Variants in CLCC1 observed in about 807,000 individuals in gnomAD.
The protein encoded by CLCC1 is chloride channel CLIC like 1, also known as chloride channel CLIC-like protein 1.
Under a neutral mutation model 63.3 loss-of-function variants are expected in CLCC1, and 39 were observed. That is an observed-to-expected ratio of 0.62 (90% confidence interval 0.48 to 0.81). The LOEUF is 0.81. Ranked by LOEUF, CLCC1 falls within the 30% of genes least tolerant of loss-of-function variation. The pLI is 0.00. For missense variants in CLCC1, 549 were observed against 669.4 expected (o/e 0.82, Z 1.98); for synonymous variants, 217 against 239.8 (o/e 0.90, Z 0.88).
chr1:108,946,453 G>A (rs761005517), intron 5 of CLCC1, among the ~76,000 whole-genome samples: 16 of 152,140 alleles, frequency 1.1e-4, no homozygotes, highest in African/African-American at 2.9e-4. Context: ...GTATGAGAAC[G>A]CATCTGCTTC....
intron 10 of CLCC1, 126 bp downstream of exon 10, chr1:108,939,510 T>C (rs902387185): frequency 4.9e-4 from 338 of 688,286 alleles, no homozygotes; most frequent in Admixed American, 9.1e-4. Context: ...AGGGTTTCAC[T>C]GTGTTAGCCA....
chr1:108,959,343 G>T (rs968040640), intron 2 of CLCC1, among the ~76,000 whole-genome samples: 13 of 149,862 alleles, frequency 8.7e-5, no homozygotes, highest in African/African-American at 3.0e-4. Context: ...GACAAAGTGA[G>T]AATCCAACTC....
intron 7 of CLCC1, among the ~76,000 whole-genome samples, chr1:108,941,817 C>G (rs777542869): frequency 6.6e-6 from 1 of 152,008 alleles, no homozygotes; most frequent in Non-Finnish European, 1.5e-5. Flanking sequence ...CCACGCCCAG[C>G]TAATTTTTGT....
At chr1:108,955,720 CA>C (rs1655799169) in intron 2 of CLCC1, among the ~76,000 whole-genome samples, 1 of 151,128 alleles carries the variant, frequency 6.6e-6, no homozygotes, top group Non-Finnish European at 1.5e-5. Flanking sequence ...GACCCTAATA[CA>C]ACAAAAAAGA....
chr1:108,939,576 T>C (rs1213814515), intron 10 of CLCC1, 60 bp downstream of exon 10: 5 of 1,515,640 alleles, frequency 3.3e-6, no homozygotes, highest in Non-Finnish European at 4.5e-6. Flanking sequence ...CCCAAAGTGC[T>C]GGGATTACAG....
chr1:108,941,415 TC>T lies in CLCC1; in HGVS notation c.785del (p.Gly262GlufsTer26). On this transcript the variant is annotated frameshift_variant, in exon 8 of 13. Coordinates refer to ENST00000369969, the MANE Select transcript of CLCC1 (RefSeq NM_001377458.1). LOFTEE classifies it high-confidence loss of function. ...GCACAAACACCTTACCCCAGATACT[TC>T]CAGTCCAGTCCATCTTTTTGGCACA... is the stretch of plus-strand genomic sequence containing the variant. ...NVCAKKMDWTGSIWEWFRSSW... is the reference protein window; with the variant it reads ...NVCAKKMDWTXSIWEWFRSSW... 1 of 1,613,864 alleles carries T rather than the reference TC, an allele frequency of 6.2e-7. No homozygotes were observed. The highest frequency in any genetic ancestry group is 8.5e-7 in the Non-Finnish European group (1 of 1,179,806).
chr1:108,939,392 C>T lies in CLCC1; in HGVS notation c.1041+244G>A, dbSNP rs561374056. On this transcript the variant is annotated intron_variant, in intron 10 of 12. Transcript: ENST00000369969. ...TGCGATCTCGGCTCACTGCAAGCTCCGCCTCCCAGGTTCACCCCGTTCTCC... is the reference window on the plus strand; with the variant it reads ...TGCGATCTCGGCTCACTGCAAGCTCTGCCTCCCAGGTTCACCCCGTTCTCC... 1.8e-4 allele frequency among the ~76,000 whole-genome samples: 27 copies of T among 149,624 alleles called. No homozygotes were observed. In the South Asian group the frequency reaches 2.5e-3, roughly 14 times the overall value.
At chr1:108,937,533 T>G in intron 10 of CLCC1, 115 bp from the exon 11 acceptor site, 1 of 889,170 alleles carries the variant, frequency 1.1e-6, no homozygotes, top group Non-Finnish European at 1.6e-6. Flanking sequence ...CTTGTGGCAT[T>G]TATAGACATA....
At chr1:108,956,823 G>A (rs1655947259) in intron 2 of CLCC1, among the ~76,000 whole-genome samples, 1 of 121,350 alleles carries the variant, frequency 8.2e-6, no homozygotes, top group Non-Finnish European at 1.8e-5. Flanking sequence ...AGAAGCTGAA[G>A]CAGTCAAGGA....
At chr1:108,957,762 T>C (rs1416949116) in intron 2 of CLCC1, among the ~76,000 whole-genome samples, 1 of 151,390 alleles carries the variant, frequency 6.6e-6, no homozygotes, top group Non-Finnish European at 1.5e-5. Flanking sequence ...TGTCCACTGA[T>C]GTCCAAGTAG....
intron 12 of CLCC1, chr1:108,934,324 AGT>A (rs1652519817): frequency 4.4e-6 from 1 of 226,380 alleles, no homozygotes; most frequent in Non-Finnish European, 8.7e-6. Flanking sequence ...GGTTCCCGTA[AGT>A]GCCTGTAACA....
chr1:108,930,270 AT>A lies in CLCC1; in HGVS notation c.*2276del. On this transcript the variant is annotated 3_prime_UTR_variant, in exon 13 of 13. Transcript: ENST00000369969. ...AGAATTTAATACTCTTATGGAAATA[AT>A]TTTTTAACATCTTAATTGACAATGG... 4.6e-6 allele frequency: 1 copy of A among 219,112 alleles called. No individual in the cohort carries two copies. The highest frequency in any genetic ancestry group is 9.0e-6 in the Non-Finnish European group (1 of 110,680). 13.6% of individuals were successfully genotyped at this position (219,112 alleles called of 1,614,324 possible).
rs200666889 is a variant in CLCC1 at position 108,937,242 on chromosome 1, G to T, written c.1218C>A (p.Pro406=). 6.2e-7 allele frequency: 1 copy of T among 1,614,134 alleles called. No individual in the cohort carries two copies. The highest frequency in any genetic ancestry group is 1.3e-5 in the African/African-American group (1 of 75,046). Reference sequence around the variant, plus strand: ...TTTTGGCATAAGGGCCTTGCTCAGTGGGGCCCATTTGGCCCCTATAATGGA... The same window carrying T: ...TTTTGGCATAAGGGCCTTGCTCAGTTGGGCCCATTTGGCCCCTATAATGGA... The part of the protein sequence containing the change: ...ADFHYRGQMG[P]TEQGPYAKTY... The change falls in exon 11 of 13, where the codon CCC becomes CCA. Residue 406 remains proline, a synonymous_variant. Coordinates refer to ENST00000369969, the MANE Select transcript of CLCC1 (RefSeq NM_001377458.1).
chr1:108,953,211 A>C (rs1655433082), intron 2 of CLCC1, among the ~76,000 whole-genome samples: 1 of 152,230 alleles, frequency 6.6e-6, no homozygotes, highest in Non-Finnish European at 1.5e-5. Flanking sequence ...CTAGTTGTAC[A>C]ATAAAAATCA....
chr1:108,960,952 C>T (rs563511202), intron 2 of CLCC1, among the ~76,000 whole-genome samples: 4 of 152,194 alleles, frequency 2.6e-5, no homozygotes, highest in Non-Finnish European at 5.9e-5. Context: ...GCCTTGTCTT[C>T]CCAAAGTGCT....
chr1:108,949,049 C>G (rs1355191090), intron 4 of CLCC1, among the ~76,000 whole-genome samples: 1 of 152,160 alleles, frequency 6.6e-6, no homozygotes, highest in Non-Finnish European at 1.5e-5. Context: ...CTTCCCTATC[C>G]CTTATCCCCC....
chr1:108,944,423 C>T (rs1325553109), intron 5 of CLCC1, among the ~76,000 whole-genome samples: 1 of 151,836 alleles, frequency 6.6e-6, no homozygotes, highest in East Asian at 1.9e-4. Flanking sequence ...AAGCTATGAG[C>T]ATACCACTGC....
At position 108,929,928 on chromosome 1, in the gene CLCC1, G is replaced by A. The variant is rs140949805; in HGVS notation, c.*2619C>T. 1.3e-3 allele frequency: 2,083 copies of A among 1,613,254 alleles called. 4 individuals are homozygous for A. The highest frequency in any genetic ancestry group is 6.3e-3 in the Middle Eastern group (38 of 6,060). ...AGTTTAAAAATTCAGGGAAAAAATC[G>A]GCAGACCATTAGTTACTATGGATTT... On this transcript the variant is annotated 3_prime_UTR_variant, in exon 13 of 13. Coordinates refer to ENST00000369969, the MANE Select transcript of CLCC1 (RefSeq NM_001377458.1).
intron 2 of CLCC1, among the ~76,000 whole-genome samples, chr1:108,951,925 C>T (rs1655229199): frequency 6.6e-6 from 1 of 151,782 alleles, no homozygotes; most frequent in Non-Finnish European, 1.5e-5. Flanking sequence ...TTACACCACA[C>T]CTGGCTAATT....
Sources: gnomAD v4.1 joint callset for allele counts (sites outside exome capture counted in the v4.1 genomes callset) on GRCh38, gnomAD v4.1.1 for gene constraint, MANE v1.5 for transcripts, NCBI Gene and HGNC (gene_info 2026-07-23, HGNC 2026-07-21) for gene names.